The following MSRA variants were observed in gnomAD, a reference collection of about 807,000 sequenced individuals.
MSRA encodes the protein mitochondrial peptide methionine sulfoxide reductase.
MSRA carries 54 observed loss-of-function variants against 31.3 expected under a neutral mutation model. The observed-to-expected ratio is 1.73, with a 90% confidence interval of 1.39 to 2.17. The LOEUF (loss-of-function observed/expected upper bound fraction) is 2.17. MSRA is among the 30% of genes most tolerant of loss of function. The probability of loss-of-function intolerance (pLI) is 0.00; values close to 1 mark genes in which losing one functional copy is unlikely to be tolerated. For missense variants in MSRA, 507 were observed against 300.9 expected, an observed-to-expected ratio of 1.69 and a Z score of -5.07; for synonymous variants, 169 against 116.5, an observed-to-expected ratio of 1.45 and a Z score of -2.90.
intron 5 of MSRA, among the ~76,000 whole-genome samples, chr8:10,372,612 T>C (rs1451305215): frequency 6.6e-6 from 1 of 152,130 alleles, no homozygotes; most frequent in Non-Finnish European, 1.5e-5. Flanking sequence ...TCTCTCTTTC[T>C]GAACAAAGGG....
chr8:10,070,265 A>G (rs1375963455), intron 1 of MSRA, among the ~76,000 whole-genome samples: 7 of 152,186 alleles, frequency 4.6e-5, no homozygotes, highest in African/African-American at 1.7e-4. Flanking sequence ...CAGCCGGGTT[A>G]TGGTATTGTT....
At chr8:10,121,844 AT>A (rs35572639) in intron 1 of MSRA, among the ~76,000 whole-genome samples, 1,815 of 146,616 alleles carry the variant, frequency 0.012, 21 homozygotes, top group African/African-American at 0.022. Context: ...CTAATTTTTA[AT>A]TTTTTTTTTT....
chr8:10,059,767 T>C (rs1802601907), intron 1 of MSRA, among the ~76,000 whole-genome samples: 1 of 152,230 alleles, frequency 6.6e-6, no homozygotes. Context: ...TTTTTAATTA[T>C]ATAAGAAGCT....
chr8:10,196,254 C>T (rs554021031), intron 1 of MSRA, among the ~76,000 whole-genome samples: 16 of 152,312 alleles, frequency 1.1e-4, no homozygotes, highest in African/African-American at 2.6e-4. Context: ...ACCTTCTCTT[C>T]GTGCTGTGGT....
chr8:10,108,464 G>A (rs1360044095), intron 1 of MSRA, among the ~76,000 whole-genome samples: 1 of 152,172 alleles, frequency 6.6e-6, no homozygotes, highest in Non-Finnish European at 1.5e-5. Flanking sequence ...ATAGTCTGTG[G>A]ATTAGAACTG....
intron 5 of MSRA, chr8:10,337,407 C>G (rs144415113): frequency 0.19 from 56,795 of 297,832 alleles, 6,986 homozygotes; most frequent in Non-Finnish European, 0.26. Flanking sequence ...TCTGGATCTC[C>G]TGACCTCGTG....
chr8:10,288,815 A>C (rs1241591118), intron 3 of MSRA, among the ~76,000 whole-genome samples: 4 of 152,194 alleles, frequency 2.6e-5, no homozygotes, highest in Non-Finnish European at 5.9e-5. Flanking sequence ...AGTTGGGAGA[A>C]TATGTTACCA....
intron 1 of MSRA, among the ~76,000 whole-genome samples, chr8:10,123,261 AT>A: frequency 6.6e-6 from 1 of 152,268 alleles, no homozygotes; most frequent in Non-Finnish European, 1.5e-5. Context: ...TTTGATTTGC[AT>A]TTCTCTAATG....
chr8:10,107,853 G>A (rs1041898488), intron 1 of MSRA, among the ~76,000 whole-genome samples: 2 of 152,080 alleles, frequency 1.3e-5, no homozygotes, highest in South Asian at 4.1e-4. Flanking sequence ...AATTATCCCC[G>A]GATATTGCTA....
At chr8:10,331,620 A>G (rs1207038090) in intron 5 of MSRA, among the ~76,000 whole-genome samples, 4 of 152,180 alleles carry the variant, frequency 2.6e-5, no homozygotes, top group African/African-American at 9.7e-5. Context: ...CTGTGTGGCG[A>G]TACATGCTAA....
At chr8:10,170,525 C>A (rs530148525) in intron 1 of MSRA, among the ~76,000 whole-genome samples, 2 of 152,138 alleles carry the variant, frequency 1.3e-5, no homozygotes, top group Non-Finnish European at 2.9e-5. Flanking sequence ...TCTGTCAGTT[C>A]TGCATCAGTG....
intron 1 of MSRA, among the ~76,000 whole-genome samples, chr8:10,065,747 A>T (rs1797424354): frequency 1.3e-5 from 2 of 152,286 alleles, no homozygotes; most frequent in South Asian, 4.1e-4. Flanking sequence ...CTGTTGCCGG[A>T]TGGTTGGTAA....
intron 3 of MSRA, among the ~76,000 whole-genome samples, chr8:10,274,159 G>C (rs2129102475): frequency 6.6e-6 from 1 of 152,322 alleles, no homozygotes; most frequent in African/African-American, 2.4e-5. Flanking sequence ...GGGTAGGTTT[G>C]GAGCAGAGTT....
chr8:10,300,301 G>C (rs1044795715), intron 3 of MSRA, among the ~76,000 whole-genome samples: 1 of 151,940 alleles, frequency 6.6e-6, no homozygotes, highest in African/African-American at 2.4e-5. Flanking sequence ...TGTTGCCAAG[G>C]CTGGAGTGCA....
At chr8:10,060,953 C>T (rs1287421657) in intron 1 of MSRA, among the ~76,000 whole-genome samples, 1 of 152,130 alleles carries the variant, frequency 6.6e-6, no homozygotes, top group Non-Finnish European at 1.5e-5. Flanking sequence ...TGATAGAAAA[C>T]AGTTTTCCTT....
At chr8:10,394,239 A>G (rs1052907125) in intron 5 of MSRA, among the ~76,000 whole-genome samples, 7 of 152,330 alleles carry the variant, frequency 4.6e-5, no homozygotes, top group Admixed American at 3.3e-4. Context: ...AGTTAATACT[A>G]TGCATCTGTA....
At chr8:10,386,356 A>T (rs940532511) in intron 5 of MSRA, among the ~76,000 whole-genome samples, 1 of 152,176 alleles carries the variant, frequency 6.6e-6, no homozygotes, top group Non-Finnish European at 1.5e-5. Context: ...AGATGTTGAA[A>T]ACACCTAAGG....
At chr8:10,395,747 G>A (rs190717103) in intron 5 of MSRA, among the ~76,000 whole-genome samples, 204 of 152,224 alleles carry the variant, frequency 1.3e-3, no homozygotes, top group South Asian at 3.3e-3. Context: ...ACCAGACACT[G>A]GGAAACCCTC....
intron 1 of MSRA, among the ~76,000 whole-genome samples, chr8:10,064,462 C>T (rs1797359028): frequency 6.6e-6 from 1 of 151,980 alleles, no homozygotes; most frequent in African/African-American, 2.4e-5. Flanking sequence ...TATTCCTAAT[C>T]CACTAACTTG....
Sources: gnomAD v4.1 joint callset for allele counts (sites outside exome capture counted in the v4.1 genomes callset) on GRCh38, gnomAD v4.1.1 for gene constraint, MANE v1.5 for transcripts, NCBI Gene and HGNC (gene_info 2026-07-23, HGNC 2026-07-21) for gene names.